The following MAP4K4 variants were observed in gnomAD, a reference collection of about 807,000 sequenced individuals.
MAP4K4 encodes HPK/GCK-like kinase HGK.
MAP4K4 carries 38 observed loss-of-function variants against 189.6 expected under a neutral mutation model. The observed-to-expected ratio is 0.20, with a 90% CI of 0.15 to 0.26. MAP4K4 has a LOEUF of 0.26. MAP4K4 is among the 10% of genes least tolerant of loss of function. MAP4K4 has a pLI of 1.00. For missense variants in MAP4K4, 1,054 were observed against 1,726.9 expected, an observed-to-expected ratio of 0.61 and a Z score of 6.91; for synonymous variants, 610 against 624.3, an observed-to-expected ratio of 0.98 and a Z score of 0.34.
chr2:101,893,260 A>G (rs1416147040), exon 33 of MAP4K4: 5 of 456,290 alleles, frequency 1.1e-5, no homozygotes, highest in Non-Finnish European at 2.2e-5. Context: ...ACCTGTAAAG[A>G]CAAGCTGAGA....
At chr2:101,866,605 C>T in intron 19 of MAP4K4, 26 bp downstream of exon 19, 1 of 1,603,762 alleles carries the variant, frequency 6.2e-7, no homozygotes, top group Non-Finnish European at 8.5e-7. Flanking sequence ...TTTCCTTTTT[C>T]CCTGCTAATG....
rs377224422 is a variant in MAP4K4 at position 101,861,036 on chromosome 2, G to A, written c.1866+50G>A. 38 of 1,506,972 alleles carry A rather than the reference G, an allele frequency of 2.5e-5. No individual in the cohort carries two copies. In the African/African-American group the frequency reaches 4.2e-4, roughly 17 times the overall value. 93.4% of individuals were successfully genotyped at this position (1,506,972 alleles called of 1,614,324 possible). ...GTTGAGGAGACTCATGCAACGGCTCGCTGAGCCGCAGGCCTGCTGTAATAT... is the reference window on the plus strand; with the variant it reads ...GTTGAGGAGACTCATGCAACGGCTCACTGAGCCGCAGGCCTGCTGTAATAT... On this transcript the variant is annotated intron_variant, in intron 16 of 32. Transcript: ENST00000324219.
intron 3 of MAP4K4, among the ~76,000 whole-genome samples, chr2:101,800,882 T>G (rs1333759492): frequency 2.0e-5 from 3 of 152,206 alleles, no homozygotes; most frequent in Middle Eastern, 3.2e-3. Context: ...TCTTTGTAAT[T>G]GTTAATGAGC....
chr2:101,730,952 A>T (rs2058184878), intron 2 of MAP4K4, among the ~76,000 whole-genome samples: 1 of 151,610 alleles, frequency 6.6e-6, no homozygotes, highest in Non-Finnish European at 1.5e-5. Context: ...GAGCCTGCGC[A>T]GGAGAATAGT....
At chr2:101,706,284 T>C (rs1374314503) in intron 2 of MAP4K4, among the ~76,000 whole-genome samples, 1 of 152,236 alleles carries the variant, frequency 6.6e-6, no homozygotes, top group East Asian at 1.9e-4. Context: ...GTTATTGAAC[T>C]AGTTAGTTCA....
At chr2:101,873,549 G>T (rs1434714551) in intron 24 of MAP4K4, 98 bp from the exon 25 acceptor site, 9 of 686,278 alleles carry the variant, frequency 1.3e-5, no homozygotes, top group Non-Finnish European at 2.0e-5. Context: ...GCAAAGTATT[G>T]GGAAATAGTG....
chr2:101,713,093 C>T (rs187825751), intron 2 of MAP4K4, among the ~76,000 whole-genome samples: 33 of 148,792 alleles, frequency 2.2e-4, no homozygotes, highest in Admixed American at 5.4e-4. Flanking sequence ...TTAGTAGAGA[C>T]GGGGTTTCAT....
chr2:101,815,459 T>C (rs1206596981), intron 3 of MAP4K4, among the ~76,000 whole-genome samples: 1 of 152,218 alleles, frequency 6.6e-6, no homozygotes, highest in Non-Finnish European at 1.5e-5. Context: ...TTGTTAAGTT[T>C]TTTTTAAATC....
chr2:101,731,353 T>C (rs1381491698), intron 2 of MAP4K4, among the ~76,000 whole-genome samples: 2 of 151,804 alleles, frequency 1.3e-5, no homozygotes, highest in Non-Finnish European at 2.9e-5. Flanking sequence ...CTGACCTAGG[T>C]GATCCGCCTG....
intron 2 of MAP4K4, among the ~76,000 whole-genome samples, chr2:101,707,693 G>GTTT (rs1328796064): frequency 7.4e-5 from 5 of 67,482 alleles, no homozygotes; most frequent in Non-Finnish European, 1.1e-4. Context: ...TTTTTTTTTT[G>GTTT]TTTTTTTTTT....
intron 8 of MAP4K4, among the ~76,000 whole-genome samples, chr2:101,835,250 T>A (rs1308146614): frequency 6.6e-6 from 1 of 152,192 alleles, no homozygotes; most frequent in Non-Finnish European, 1.5e-5. Flanking sequence ...AGGGGAATAG[T>A]ATTGTCTGCC....
chr2:101,822,590 A>C (rs1455112907), intron 3 of MAP4K4, among the ~76,000 whole-genome samples: 1 of 152,290 alleles, frequency 6.6e-6, no homozygotes, highest in Non-Finnish European at 1.5e-5. Context: ...TGCAGCTTTT[A>C]TTTTAAAGTA....
At chr2:101,811,934 C>T (rs1407098471) in intron 3 of MAP4K4, among the ~76,000 whole-genome samples, 1 of 152,230 alleles carries the variant, frequency 6.6e-6, no homozygotes, top group Admixed American at 6.5e-5. Context: ...AATGGCCTTT[C>T]AGGGTCTTCA....
Position 101,812,725 on chromosome 2 carries a change from G to A in MAP4K4, c.181-11203G>A, listed in dbSNP as rs2095506590. Among the ~76,000 whole-genome samples the A allele has an allele frequency of 2.0e-5, 3 of 152,168 alleles. No individual in the cohort carries two copies. The South Asian group carries it at 6.2e-4, about 31-fold the overall frequency. ...TACAGTGTGCTTATGGTGCTGGATG[G>A]GGTGGTGGGATGCTAGGGGACGCTA... On this transcript the variant is annotated intron_variant, in intron 3 of 32. Coordinates refer to ENST00000324219, the Ensembl canonical transcript of MAP4K4.
intron 12 of MAP4K4, among the ~76,000 whole-genome samples, chr2:101,852,933 T>G (rs1218654274): frequency 6.6e-6 from 1 of 152,222 alleles, no homozygotes; most frequent in East Asian, 1.9e-4. Context: ...GCAAGCATGC[T>G]CACTTCACTC....
rs2037933073 is a variant in MAP4K4, at chr2:101,700,679, T to G, written c.123+2141T>G. ...TATTTCAGCTGTAAATACTTTAGAA[T>G]GTTTCTTTTTTACACAATCACATTG... On this transcript the variant is annotated intron_variant, in intron 2 of 32. Coordinates refer to ENST00000324219, the Ensembl canonical transcript of MAP4K4. 2.6e-5 allele frequency among the ~76,000 whole-genome samples: 4 copies of G among 152,190 alleles called. No homozygotes were observed. In the South Asian group the frequency reaches 8.3e-4, roughly 31 times the overall value.
intron 3 of MAP4K4, chr2:101,797,277 T>C (rs1366435250): frequency 7.7e-7 from 1 of 1,290,788 alleles, no homozygotes; most frequent in South Asian, 1.2e-5. Flanking sequence ...CTACAGGCCT[T>C]ACAGCTTCGT....
Position 101,859,001 on chromosome 2 carries a change from T to C in MAP4K4, c.1401T>C (p.Tyr467=), listed in dbSNP as rs139545050. 3.3e-4 allele frequency: 538 copies of C among 1,611,232 alleles called. 2 individuals carry two copies. The highest frequency in any genetic ancestry group is 2.9e-3 in the African/African-American group (220 of 75,048). Residue 467 remains tyrosine, a synonymous_variant, in exon 14 of 33, where the codon TAT becomes TAC. Transcript: ENST00000324219. ...GGGTGATTTCTGTGTGACAGGAGTA[T>C]ATCAGGCGACAGCTAGAAGAGGAGC...
intron 2 of MAP4K4, among the ~76,000 whole-genome samples, chr2:101,777,758 G>A (rs1462897468): frequency 6.6e-6 from 1 of 152,182 alleles, no homozygotes; most frequent in Non-Finnish European, 1.5e-5. Context: ...CTAGAGCACA[G>A]ATTTTGCACA....
Sources: allele counts gnomAD v4.1 joint callset (sites outside exome capture counted in the v4.1 genomes callset), GRCh38; gene constraint gnomAD v4.1.1; transcripts MANE v1.5; gene names NCBI Gene and HGNC (gene_info 2026-07-23, HGNC 2026-07-21).